NAA40: variants seen among roughly 807,000 people sequenced by gnomAD.
NAA40 encodes the protein N-alpha-acetyltransferase 40, NatD catalytic subunit.
Under a neutral mutation model 36.6 loss-of-function variants are expected in NAA40, and 26 were observed. The observed-to-expected ratio is 0.71, with a 90% CI of 0.52 to 0.98. NAA40 has a LOEUF of 0.98. NAA40 is among the 50% of genes least tolerant of loss of function. The pLI is 0.00. For synonymous variants in NAA40, 129 were observed against 108.4 expected, an observed-to-expected ratio of 1.19 and a Z score of -1.18; for missense variants, 237 against 306.5, an observed-to-expected ratio of 0.77 and a Z score of 1.69.
At chr11:63,943,838 G>A (rs1471626294) in intron 1 of NAA40, among the ~76,000 whole-genome samples, 1 of 152,122 alleles carries the variant, frequency 6.6e-6, no homozygotes, top group African/African-American at 2.4e-5. Context: ...GTTTGTAAAG[G>A]TACTTTGCAA....
intron 1 of NAA40, among the ~76,000 whole-genome samples, chr11:63,939,868 C>A (rs191451536): frequency 9.9e-5 from 15 of 152,204 alleles, no homozygotes; most frequent in African/African-American, 3.4e-4. Flanking sequence ...GGATATTGAC[C>A]ACTTGTTCCG....
At chr11:63,946,232 G>A (rs986720444) in intron 2 of NAA40, 1 of 351,270 alleles carries the variant, frequency 2.8e-6, no homozygotes, top group Non-Finnish European at 5.3e-6. Context: ...GTGAGACAGG[G>A]TCTCACTCTG....
intron 7 of NAA40, 47 bp downstream of exon 7, chr11:63,954,096 C>T (rs551746219): frequency 3.8e-6 from 6 of 1,582,080 alleles, no homozygotes; most frequent in Non-Finnish European, 4.3e-6. Context: ...TGGGCCTGCC[C>T]AGGGCCATTT....
At chr11:63,954,196 G>C in intron 7 of NAA40, 142 bp from the exon 8 acceptor site, 1 of 1,319,376 alleles carries the variant, frequency 7.6e-7, no homozygotes. Flanking sequence ...GTATGGCAGT[G>C]CTCTCTGATT....
chr11:63,951,586 T>C (rs1012880589), intron 3 of NAA40, among the ~76,000 whole-genome samples: 5 of 152,198 alleles, frequency 3.3e-5, no homozygotes, highest in Admixed American at 6.6e-5. Flanking sequence ...CCTCAGGTGA[T>C]CCATATGCCT....
chr11:63,939,443 T>G, intron 1 of NAA40: 1 of 1,073,578 alleles, frequency 9.3e-7, no homozygotes, highest in Non-Finnish European at 1.1e-6. Flanking sequence ...ACTCATCACC[T>G]GGCTGTCACC....
chr11:63,939,995 T>G (rs1942081515), intron 1 of NAA40, among the ~76,000 whole-genome samples: 2 of 151,800 alleles, frequency 1.3e-5, no homozygotes, highest in Non-Finnish European at 2.9e-5. Flanking sequence ...GCAGTATCAG[T>G]CACCCTCCTA....
chr11:63,953,032 G>A (rs1942306414), intron 6 of NAA40, among the ~76,000 whole-genome samples, 193 bp downstream of exon 6: 1 of 145,682 alleles, frequency 6.9e-6, no homozygotes, highest in Admixed American at 7.2e-5. Flanking sequence ...GTTTAGCTCA[G>A]TGCAGTGAAC....
At chr11:63,942,157 T>A (rs1314291504) in intron 1 of NAA40, among the ~76,000 whole-genome samples, 1 of 152,066 alleles carries the variant, frequency 6.6e-6, no homozygotes, top group Non-Finnish European at 1.5e-5. Context: ...TACCCTCACC[T>A]CATGGGGAGA....
chr11:63,949,461 C>G (rs191227352), intron 3 of NAA40, among the ~76,000 whole-genome samples: 1 of 152,080 alleles, frequency 6.6e-6, no homozygotes, highest in African/African-American at 2.4e-5. Flanking sequence ...TTTGCTGTTA[C>G]TATTACTGAT....
Position 63,947,134 on chromosome 11 carries a change from C to T in NAA40, c.155+131C>T, listed in dbSNP as rs193216720. ...ATTTACGAAAAAACAGGGCTGGGTGCGGTGGCTCACGCCTGTAATCCAAGC... is the reference window on the plus strand; with the variant it reads ...ATTTACGAAAAAACAGGGCTGGGTGTGGTGGCTCACGCCTGTAATCCAAGC... On this transcript the variant is annotated intron_variant, in intron 3 of 7. Coordinates refer to ENST00000377793, the MANE Select transcript of NAA40 (RefSeq NM_024771.4). 180 of 931,614 alleles carry T rather than the reference C, an allele frequency of 1.9e-4. 6 individuals are homozygous for T. In the South Asian group the frequency reaches 2.2e-3, roughly 12 times the overall value. The allele number at this position is 931,614 out of a possible 1,614,324, so 57.7% of individuals were successfully genotyped here.
Position 63,953,984 on chromosome 11 carries a change from G to A in NAA40, c.507G>A (p.Lys169=), listed in dbSNP as rs1942322511. The part of the protein sequence containing the change: ...LQLMANSTQM[K]KVMLTVFKHN... ...TGCTTTCTTCCAGCACACAGATGAA[G>A]AAGGTTATGTTAACAGTATTTAAAC... Residue 169 remains lysine, a synonymous_variant, in exon 7 of 8, where the codon AAG becomes AAA. Coordinates refer to ENST00000377793, the MANE Select transcript of NAA40 (RefSeq NM_024771.4). 1.9e-6 allele frequency: 3 copies of A among 1,613,940 alleles called. No homozygotes were observed. The highest frequency in any genetic ancestry group is 1.3e-5 in the African/African-American group (1 of 74,922).
Position 63,952,353 on chromosome 11 carries a change from G to A in NAA40, c.251+20G>A. 1 of 1,613,460 alleles carries A rather than the reference G, an allele frequency of 6.2e-7. No homozygotes were observed. Among genetic ancestry groups the A allele is most frequent in the Non-Finnish European group, 8.5e-7 (1 of 1,179,444 alleles). ...AACCATGTAAGCTTGTCCCAACCAG[G>A]GGAGCCTAGTTCCTCTCGCAGCTTT... is the stretch of plus-strand genomic sequence containing the variant. On this transcript the variant is annotated intron_variant, in intron 4 of 7. Transcript: ENST00000377793.
At chr11:63,945,141 T>C (rs537588544) in intron 1 of NAA40, among the ~76,000 whole-genome samples, 3 of 152,352 alleles carry the variant, frequency 2.0e-5, no homozygotes, top group Non-Finnish European at 4.4e-5. Flanking sequence ...GCTGCCCTGC[T>C]GCTGACTGTG....
chr11:63,953,497 C>T (rs1942314481), intron 6 of NAA40, among the ~76,000 whole-genome samples: 1 of 151,450 alleles, frequency 6.6e-6, no homozygotes, highest in Non-Finnish European at 1.5e-5. Context: ...ATGGGGGAAG[C>T]AGTGAGTGCT....
Position 63,952,307 on chromosome 11 carries a change from C to T in NAA40, c.225C>T (p.Asp75=). Residue 75 remains aspartate, a synonymous_variant, in exon 4 of 8, where the codon GAC becomes GAT. Coordinates refer to ENST00000377793, the MANE Select transcript of NAA40 (RefSeq NM_024771.4). ...CAGCCACCGTGGATTGGGCCTTCGA[C>T]CTGACCAAAACGAATATGCAAACCA... ...LEPATVDWAF[D]LTKTNMQTMY... The T allele has an allele frequency of 6.2e-7, 1 of 1,613,930 alleles. No individual in the cohort carries two copies. Among genetic ancestry groups the T allele is most frequent in the African/African-American group, 1.3e-5 (1 of 75,034 alleles).
intron 1 of NAA40, among the ~76,000 whole-genome samples, chr11:63,939,986 C>A (rs148930910): frequency 4.0e-5 from 6 of 150,734 alleles, no homozygotes; most frequent in Non-Finnish European, 5.9e-5. Flanking sequence ...TCAATTACAG[C>A]AGTATCAGTC....
rs1160329551 is a variant in NAA40 at position 63,947,793 on chromosome 11, C to A, written c.155+790C>A. 1.5e-4 allele frequency among the ~76,000 whole-genome samples: 22 copies of A among 143,544 alleles called. No individual in the cohort carries two copies. The Admixed American group carries it at 1.6e-3, about 11-fold the overall frequency. The allele number at this position is 143,544 out of a possible 152,430, so 94.2% of individuals were successfully genotyped here. On this transcript the variant is annotated intron_variant, in intron 3 of 7. Coordinates refer to ENST00000377793, the MANE Select transcript of NAA40 (RefSeq NM_024771.4). ...TCAGGCTGGAGTGCAGTGGTGCGAT[C>A]TCGGCTCACTGCAACCTCTGCCAGG...
At chr11:63,950,471 GT>G (rs1222692085) in intron 3 of NAA40, among the ~76,000 whole-genome samples, 8 of 149,782 alleles carry the variant, frequency 5.3e-5, no homozygotes, top group Non-Finnish European at 8.9e-5. Flanking sequence ...ATCTCATAGT[GT>G]TTTCGTTTTT....
Sources: allele counts gnomAD v4.1 joint callset (sites outside exome capture counted in the v4.1 genomes callset), GRCh38; gene constraint gnomAD v4.1.1; transcripts MANE v1.5; gene names NCBI Gene and HGNC (gene_info 2026-07-23, HGNC 2026-07-21).